PABPC4: variants seen among roughly 807,000 people sequenced by gnomAD.
PABPC4 encodes poly(A) binding protein cytoplasmic 4.
PABPC4 carries 15 observed loss-of-function variants against 74.5 expected under a neutral mutation model. That is an observed-to-expected ratio of 0.20 (90% confidence interval 0.13 to 0.31). The LOEUF (loss-of-function observed/expected upper bound fraction) is 0.31, where lower values mean the gene tolerates loss of function less well. PABPC4 is among the 10% of genes least tolerant of loss of function. The pLI is 1.00. For missense variants in PABPC4, 610 were observed against 853.5 expected (o/e 0.71, Z 3.55); for synonymous variants, 345 against 303.0 (o/e 1.14, Z -1.44).
chr1:39,562,477 G>A, intron 12 of PABPC4, 61 bp from the exon 13 acceptor site: 4 of 1,225,744 alleles, frequency 3.3e-6, no homozygotes, highest in Non-Finnish European at 4.7e-6. Flanking sequence ...GATGGTGGTT[G>A]AGTGCCTGTT....
intron 5 of PABPC4, among the ~76,000 whole-genome samples, chr1:39,569,287 T>C (rs1182436490): frequency 3.3e-5 from 5 of 152,246 alleles, no homozygotes; most frequent in Non-Finnish European, 5.9e-5. Context: ...TGCCCACAAG[T>C]AGCTGCCGTG....
intron 5 of PABPC4, chr1:39,569,357 G>A (rs1570389540): frequency 2.0e-5 from 11 of 556,908 alleles, no homozygotes; most frequent in South Asian, 7.2e-5. Flanking sequence ...CATAACAAAC[G>A]TCTGTCCTAT....
chr1:39,563,902 A>C lies in PABPC4; in HGVS notation c.1474T>G (p.Leu492Val). The stretch of plus-strand genomic sequence containing the variant: ...CCAGCCCCACCAAAGTCCATAGCCA[A>C]GCGGTCCGGGCACTCAGACCCTACA... ...QRVGSECPDRLAMDFGGAGAA... is the reference protein window; with the variant it reads ...QRVGSECPDRVAMDFGGAGAA... Residue 492 changes from leucine to valine, a missense_variant, in exon 11 of 16, where the codon TTG (leucine) becomes GTG (valine). Leu to Val is a conservative substitution (Grantham distance 32). Around this residue, in one of 4 missense-constraint regions of PABPC4, gnomAD observed 277 missense variants for 301.8 expected, o/e 0.92. Transcript: ENST00000372858. 6.2e-7 allele frequency: 1 copy of C among 1,614,172 alleles called. No individual in the cohort carries two copies. The highest frequency in any genetic ancestry group is 8.5e-7 in the Non-Finnish European group (1 of 1,180,034).
intron 6 of PABPC4, 200 bp from the exon 7 acceptor site, chr1:39,568,046 A>G: frequency 2.2e-6 from 1 of 450,994 alleles, no homozygotes; most frequent in Non-Finnish European, 4.0e-6. Context: ...TCACAAGGTC[A>G]GGAGATCGAG....
rs746935849 is a variant in PABPC4, at chr1:39,575,976, C to A, written c.-25G>T. 1.4e-6 allele frequency: 2 copies of A among 1,457,828 alleles called. No individual in the cohort carries two copies. Among genetic ancestry groups the A allele is most frequent in the East Asian group, 2.7e-5 (1 of 36,682 alleles). 90.3% of individuals were successfully genotyped at this position (1,457,828 alleles called of 1,614,324 possible). On this transcript the variant is annotated 5_prime_UTR_variant, in exon 1 of 16. Transcript: ENST00000372858. Reference sequence around the variant, plus strand: ...TCTCCCCGCCCCCCACCACCCCGAGCCCCGCCAGGAGGACTTCTTATCGGG... The same window carrying A: ...TCTCCCCGCCCCCCACCACCCCGAGACCCGCCAGGAGGACTTCTTATCGGG...
rs148638000 is a variant in PABPC4 at position 39,565,067 on chromosome 1, G to A, written c.1245+39C>T. 6.3e-5 allele frequency: 101 copies of A among 1,606,236 alleles called. No homozygotes were observed. In the East Asian group the frequency reaches 1.0e-3, roughly 16 times the overall value. The stretch of plus-strand genomic sequence containing the variant: ...CAACCACTGCAGAATACTGCCAGCC[G>A]GCAGGTTCCCAAGAGCTGTGACCAA... On this transcript the variant is annotated intron_variant, in intron 8 of 15. Transcript: ENST00000372858.
Position 39,563,929 on chromosome 1 carries a change from C to A in PABPC4, c.1454-7G>T, listed in dbSNP as rs972758720. 7 of 1,613,844 alleles carry A rather than the reference C, an allele frequency of 4.3e-6. No homozygotes were observed. The highest frequency in any genetic ancestry group is 5.9e-6 in the Non-Finnish European group (7 of 1,179,896). ...CGGTCCGGGCACTCAGACCCTACAA[C>A]AGACCAGCAAATGCACATCAGTGTT... is the stretch of plus-strand genomic sequence containing the variant. On this transcript the variant is annotated splice_region_variant and splice_polypyrimidine_tract_variant and intron_variant, in intron 10 of 15. Coordinates refer to ENST00000372858, the MANE Select transcript of PABPC4 (RefSeq NM_001135653.2).
In PABPC4 at chr1:39,564,545, G is replaced by A. The variant is rs111920733; in HGVS notation, c.1334-3C>T. ...AGCACTTGGCATTCCTTGGAAGCCT[G>A]GTGAAGAGAAAAATTGCACATCATT... On this transcript the variant is annotated splice_region_variant and splice_polypyrimidine_tract_variant and intron_variant, in intron 9 of 15. Transcript: ENST00000372858. 107 of 1,613,938 alleles carry A rather than the reference G, an allele frequency of 6.6e-5. No individual in the cohort carries two copies. Among genetic ancestry groups the A allele is most frequent in the Middle Eastern group, 1.6e-4 (1 of 6,084 alleles).
At chr1:39,573,045 C>T (rs187154673) in intron 1 of PABPC4, 4 of 154,232 alleles carry the variant, frequency 2.6e-5, no homozygotes, top group Admixed American at 6.5e-5. Flanking sequence ...CTAGTAATTA[C>T]GAAACTAATA....
At chr1:39,563,985 C>T (rs993129039) in intron 10 of PABPC4, 63 bp from the exon 11 acceptor site, 16 of 1,484,900 alleles carry the variant, frequency 1.1e-5, no homozygotes, top group East Asian at 4.5e-5. Flanking sequence ...CCACGTCCCA[C>T]GGAAGGAGAA....
At chr1:39,567,914 C>A (rs1382505979) in intron 6 of PABPC4, 68 bp from the exon 7 acceptor site, 3 of 894,412 alleles carry the variant, frequency 3.4e-6, no homozygotes, top group South Asian at 1.5e-5. Flanking sequence ...AGTGGTTCCC[C>A]AAGGGTGGCC....
At chr1:39,567,981 G>C in intron 6 of PABPC4, 135 bp from the exon 7 acceptor site, 1 of 590,476 alleles carries the variant, frequency 1.7e-6, no homozygotes, top group Non-Finnish European at 3.0e-6. Context: ...TTCTCGGCCG[G>C]ACGCGGTGGC....
Position 39,575,716 on chromosome 1 carries a change from T to A in PABPC4, c.193+43A>T, listed in dbSNP as rs1287063691. 3 of 1,456,282 alleles carry A rather than the reference T, an allele frequency of 2.1e-6. No homozygotes were observed. In the African/African-American group the frequency reaches 4.4e-5, roughly 21 times the overall value. The allele number at this position is 1,456,282 out of a possible 1,614,324, so 90.2% of individuals were successfully genotyped here. On this transcript the variant is annotated intron_variant, in intron 1 of 15. Transcript: ENST00000372858. ...CCCTGCCAGAAGACGACTCCCGGGG[T>A]CCTCCGGGCTCCCACGCACGTGTGG...
intron 11 of PABPC4, 36 bp from the exon 12 acceptor site, chr1:39,563,777 G>A (rs1176618753): frequency 1.9e-6 from 3 of 1,613,732 alleles, no homozygotes; most frequent in East Asian, 2.2e-5. Context: ...AAGCCCATCA[G>A]TCTGGGCAAA....
At chr1:39,562,051 C>T (rs1308722691) in intron 14 of PABPC4, 22 bp downstream of exon 14, 1 of 1,608,072 alleles carries the variant, frequency 6.2e-7, no homozygotes, top group South Asian at 1.1e-5. Context: ...ACTGAAGCTG[C>T]AGGGTCTGAG....
chr1:39,572,120 TC>T (rs1386901189), intron 2 of PABPC4, among the ~76,000 whole-genome samples: 12 of 152,018 alleles, frequency 7.9e-5, no homozygotes, highest in African/African-American at 1.2e-4. Context: ...TCCTCTACTT[TC>T]CCCCATCCCA....
At chr1:39,572,935 T>C (rs1327936210) in intron 1 of PABPC4, 1 of 192,964 alleles carries the variant, frequency 5.2e-6, no homozygotes. Context: ...GAAGAGACTT[T>C]GCAGACTACC....
intron 15 of PABPC4, chr1:39,561,377 A>G: frequency 2.8e-6 from 1 of 361,522 alleles, no homozygotes; most frequent in Non-Finnish European, 5.3e-6. Flanking sequence ...CAACCCTCCC[A>G]ACACACCAGC....
Position 39,564,457 on chromosome 1 carries a change from G to A in PABPC4, c.1419C>T (p.Ala473=). ...GAGTGGTAGTAGGGAGGCCACGAGA[G>A]GCCGGAGCATTACCAGTTGGAGCCA... ...RHLAPTGNAP[A]SRGLPTTTQR... Residue 473 remains alanine (A), a synonymous_variant, in exon 10 of 16, where the codon GCC becomes GCT. Coordinates refer to ENST00000372858, the MANE Select transcript of PABPC4 (RefSeq NM_001135653.2). 1 of 1,614,178 alleles carries A rather than the reference G, an allele frequency of 6.2e-7. No homozygotes were observed.
Sources: allele counts gnomAD v4.1 joint callset (sites outside exome capture counted in the v4.1 genomes callset), GRCh38; gene constraint gnomAD v4.1.1; regional missense constraint gnomAD v4.1.1; transcripts MANE v1.5; gene names NCBI Gene and HGNC (gene_info 2026-07-23, HGNC 2026-07-21).